Variants in NBPF8 observed in about 807,000 individuals in gnomAD.
NBPF8 encodes NBPF member 8.
Position 120,427,041 on chromosome 1 carries a change from G to T in NBPF8, n.369-665G>T, listed in dbSNP as rs1453487628. On this transcript the variant is annotated intron_variant and non_coding_transcript_variant, in intron 2 of 28. Coordinates refer to the NBPF8 transcript ENST00000652355. ...TATTATTTATCATTTTTCTCACACTGTTTTGTGTATGGCTCCTATTGCACT... is the reference window on the plus strand; with the variant it reads ...TATTATTTATCATTTTTCTCACACTTTTTTGTGTATGGCTCCTATTGCACT... Among the ~76,000 whole-genome samples, 2 of 117,484 alleles carry T rather than the reference G, an allele frequency of 1.7e-5. 1 individual carries two copies. The highest frequency in any genetic ancestry group is 1.5e-4 in the Admixed American group (2 of 13,194). The allele number at this position is 117,484 out of a possible 152,430, so 77.1% of individuals were successfully genotyped here.
In NBPF8 at chr1:120,421,597, A is replaced by C. The variant is rs1263347438; in HGVS notation, n.269+1479A>C. On this transcript the variant is annotated intron_variant and non_coding_transcript_variant, in intron 1 of 28. Coordinates refer to the NBPF8 transcript ENST00000652355. ...CTTCTTTTCTTTTTCTTTGTCTCTCATGCTCTCTCTTTTTCTTTCCTTTTT... is the reference window on the plus strand; with the variant it reads ...CTTCTTTTCTTTTTCTTTGTCTCTCCTGCTCTCTCTTTTTCTTTCCTTTTT... Among the ~76,000 whole-genome samples the C allele has an allele frequency of 3.9e-5, 5 of 127,686 alleles. No homozygotes were observed. The Admixed American group carries it at 4.4e-4, about 11-fold the overall frequency. The allele number at this position is 127,686 out of a possible 152,430, so 83.8% of individuals were successfully genotyped here. A position where few individuals can be genotyped will look rare whatever the true frequency, so the allele number is the denominator to read the frequency against.
chr1:120,468,489 T>C (rs1274262380), downstream of NBPF8, among the ~76,000 whole-genome samples: 3,319 of 141,402 alleles, frequency 0.023, 58 homozygotes, highest in East Asian at 0.084. Context: ...TTTTAGGAGA[T>C]ATTGTCCTCC....
At chr1:120,425,690 G>A (rs1304082941) in intron 1 of NBPF8, among the ~76,000 whole-genome samples, 1,873 of 151,028 alleles carry the variant, frequency 0.012, 19 homozygotes, top group Non-Finnish European at 0.019. Context: ...AATGAGAAAC[G>A]CCCACAGGTG....
chr1:120,446,244 C>T (rs1218604664), intron 8 of NBPF8, among the ~76,000 whole-genome samples: 1 of 128,942 alleles, frequency 7.8e-6, no homozygotes, highest in African/African-American at 3.0e-5. Flanking sequence ...AAGTGTCCCT[C>T]CTTCCTTGAT....
upstream of NBPF8, among the ~76,000 whole-genome samples, chr1:120,435,802 C>CT (rs1661056773): frequency 1.3e-5 from 2 of 151,428 alleles, no homozygotes; most frequent in African/African-American, 4.9e-5. Context: ...GGAGGCAGAG[C>CT]TTGCAGTGAG....
chr1:120,450,013 G>A (rs1251523772), intron 11 of NBPF8, among the ~76,000 whole-genome samples: 2 of 152,070 alleles, frequency 1.3e-5, no homozygotes, highest in African/African-American at 2.4e-5. Context: ...CAGATCATCA[G>A]GTCAGGAGTT....
chr1:120,464,175 G>T (rs1353722909), intron 22 of NBPF8, among the ~76,000 whole-genome samples: 1 of 85,744 alleles, frequency 1.2e-5, no homozygotes, highest in African/African-American at 5.8e-5. Flanking sequence ...GTGTGTGTGT[G>T]TGTCTGTCTG....
At chr1:120,415,618 A>T (rs1476506582), upstream of NBPF8, among the ~76,000 whole-genome samples, 2 of 152,196 alleles carry the variant, frequency 1.3e-5, no homozygotes, top group African/African-American at 2.4e-5. Flanking sequence ...CCTCGAGGCC[A>T]GAAATCAGTT....
upstream of NBPF8, among the ~76,000 whole-genome samples, chr1:120,435,797 C>A (rs1465366695): frequency 6.6e-6 from 1 of 151,244 alleles, no homozygotes; most frequent in Admixed American, 6.6e-5. Context: ...ACCTGGGAGG[C>A]AGAGCTTGCA....
At chr1:120,433,211 A>C (rs1313041011), upstream of NBPF8, 2 of 152,184 alleles carry the variant, frequency 1.3e-5, no homozygotes, top group African/African-American at 2.4e-5. Flanking sequence ...AATGTATTTG[A>C]AAATCAAAGA....
rs1296846675 is a variant in NBPF8 at position 120,457,727 on chromosome 1, T to TAAA, written n.2621-1632_2621-1630dup. ...ACATGTACCCTAAGACTTAAAGTAT[T>TAAA]AAAAAAAAAATATATATATATATAT... On this transcript the variant is annotated intron_variant and non_coding_transcript_variant, in intron 16 of 24. Transcript: ENST00000583271. 1.1e-4 allele frequency among the ~76,000 whole-genome samples: 6 copies of TAAA among 53,306 alleles called. 1 individual carries two copies. The highest frequency in any genetic ancestry group is 7.0e-4 in the African/African-American group (5 of 7,112). The allele number at this position is 53,306 out of a possible 152,430, so 35.0% of individuals were successfully genotyped here. A position where few individuals can be genotyped will look rare whatever the true frequency, so the allele number is the denominator to read the frequency against.
At chr1:120,424,668 T>C (rs1238964356) in intron 1 of NBPF8, among the ~76,000 whole-genome samples, 4 of 149,246 alleles carry the variant, frequency 2.7e-5, no homozygotes, top group African/African-American at 9.9e-5. Flanking sequence ...GGTTGGTCTC[T>C]AACTCTTGAC....
rs1471926716 is a variant in NBPF8, at chr1:120,459,653, A to T, written n.2784+123A>T. The T allele has an allele frequency of 3.2e-5, 33 of 1,027,874 alleles. 1 individual carries two copies. The Admixed American group carries it at 5.6e-4, about 18-fold the overall frequency. 63.7% of individuals were successfully genotyped at this position (1,027,874 alleles called of 1,614,324 possible). A position where few individuals can be genotyped will look rare whatever the true frequency, so the allele number is the denominator to read the frequency against. ...CCATCACTGTGGGCTGAACCTATAT[A>T]TCAATGTAGATTTCAATCACTCTGG... On this transcript the variant is annotated intron_variant and non_coding_transcript_variant, in intron 17 of 24. Coordinates refer to ENST00000583271, the Ensembl canonical transcript of NBPF8.
chr1:120,426,890 A>T (rs1232900697), intron 2 of NBPF8, among the ~76,000 whole-genome samples: 51 of 148,478 alleles, frequency 3.4e-4, no homozygotes, highest in Non-Finnish European at 6.3e-4. Context: ...AACCCAAAAT[A>T]GTTTGGAAAT....
At chr1:120,418,526 A>G (rs1186177535), upstream of NBPF8, among the ~76,000 whole-genome samples, 2 of 151,422 alleles carry the variant, frequency 1.3e-5, no homozygotes, top group East Asian at 3.9e-4. Flanking sequence ...AGTATTCTAC[A>G]TAATAGTTTT....
At chr1:120,461,897 C>T (rs2101696437) in intron 19 of NBPF8, among the ~76,000 whole-genome samples, 1 of 104,342 alleles carries the variant, frequency 9.6e-6, no homozygotes, top group Non-Finnish European at 1.9e-5. Context: ...TAACCATTTG[C>T]ACAAACTTGG....
At chr1:120,425,586 C>T (rs1660701384) in intron 1 of NBPF8, among the ~76,000 whole-genome samples, 2 of 152,164 alleles carry the variant, frequency 1.3e-5, no homozygotes, top group African/African-American at 2.4e-5. Context: ...AGCATGGGTC[C>T]TCCGTATGCT....
chr1:120,418,545 A>T (rs1660486984), upstream of NBPF8, among the ~76,000 whole-genome samples: 5 of 151,814 alleles, frequency 3.3e-5, no homozygotes, highest in Non-Finnish European at 5.9e-5. Flanking sequence ...TTAGGACTAC[A>T]TCGAACAATT....
At chr1:120,433,109 G>A (rs1439206904), upstream of NBPF8, 3 of 152,172 alleles carry the variant, frequency 2.0e-5, no homozygotes. Context: ...TCATTGCTTG[G>A]AAGACTCAAT....
Sources: gnomAD v4.1 joint callset for allele counts (sites outside exome capture counted in the v4.1 genomes callset) on GRCh38, gnomAD v4.1.1 for gene constraint, MANE v1.5 for transcripts, NCBI Gene and HGNC (gene_info 2026-07-23, HGNC 2026-07-21) for gene names.